The following ESCO1 variants were observed in gnomAD, a reference collection of about 807,000 sequenced individuals.
ESCO1 encodes establishment of sister chromatid cohesion N-acetyltransferase 1, also known as N-acetyltransferase ESCO1.
A neutral mutation model predicts 83.5 loss-of-function variants in ESCO1; 33 were observed. The observed-to-expected ratio is 0.40, with a 90% confidence interval of 0.30 to 0.53. The LOEUF is 0.53. Ranked by LOEUF, ESCO1 falls within the 20% of genes least tolerant of loss-of-function variation. The probability of loss-of-function intolerance (pLI) is 0.63; values close to 1 mark genes in which losing one functional copy is unlikely to be tolerated. For missense variants in ESCO1, 855 were observed against 968.0 expected (o/e 0.88, Z 1.55); for synonymous variants, 332 against 324.3 (o/e 1.02, Z -0.25).
At chr18:21,559,971 A>G (rs2038161905) in intron 8 of ESCO1, among the ~76,000 whole-genome samples, 1 of 152,164 alleles carries the variant, frequency 6.6e-6, no homozygotes, top group Non-Finnish European at 1.5e-5. Flanking sequence ...GTATTAATAC[A>G]AGCATATGAA....
At chr18:21,556,477 C>T (rs1273083794) in intron 8 of ESCO1, among the ~76,000 whole-genome samples, 1 of 152,142 alleles carries the variant, frequency 6.6e-6, no homozygotes, top group Non-Finnish European at 1.5e-5. Flanking sequence ...AATTTAATCA[C>T]ATGTAACTTC....
chr18:21,570,248 T>G (rs894294433), intron 4 of ESCO1, among the ~76,000 whole-genome samples: 10 of 151,842 alleles, frequency 6.6e-5, no homozygotes, highest in Non-Finnish European at 1.0e-4. Context: ...CAGGCACACA[T>G]TACCACTCCT....
intron 1 of ESCO1, among the ~76,000 whole-genome samples, chr18:21,590,852 G>A (rs548463305): frequency 6.6e-5 from 10 of 151,906 alleles, no homozygotes; most frequent in African/African-American, 2.2e-4. Flanking sequence ...GGAGGCTGAG[G>A]CAGAACTGCT....
intron 8 of ESCO1, among the ~76,000 whole-genome samples, chr18:21,548,566 G>A (rs373009483): frequency 3.3e-5 from 5 of 151,694 alleles, no homozygotes; most frequent in South Asian, 4.2e-4. Flanking sequence ...TTGGGAGGCC[G>A]AGGTGAGAGG....
intron 11 of ESCO1, 77 bp downstream of exon 11, chr18:21,532,396 A>T (rs1314747111): frequency 4.8e-6 from 7 of 1,445,752 alleles, no homozygotes; most frequent in Non-Finnish European, 6.5e-6. Flanking sequence ...ATGTTAATTA[A>T]ATGCCAATCT....
intron 10 of ESCO1, among the ~76,000 whole-genome samples, chr18:21,534,416 A>C (rs1372084007): frequency 6.6e-6 from 1 of 152,212 alleles, no homozygotes; most frequent in African/African-American, 2.4e-5. Context: ...CTTAGCTGGA[A>C]AAAGATAGAA....
At chr18:21,545,501 A>G (rs2037961940) in intron 8 of ESCO1, among the ~76,000 whole-genome samples, 2 of 148,936 alleles carry the variant, frequency 1.3e-5, no homozygotes, top group South Asian at 4.3e-4. Context: ...TGAACCTGGG[A>G]GGCAGAGGCT....
At chr18:21,598,089 G>A (rs1050230960) in intron 1 of ESCO1, among the ~76,000 whole-genome samples, 1 of 152,128 alleles carries the variant, frequency 6.6e-6, no homozygotes, top group Admixed American at 6.6e-5. Context: ...TACTGGAGTT[G>A]GTTTCTAGTA....
intron 1 of ESCO1, among the ~76,000 whole-genome samples, chr18:21,599,952 T>A (rs930222852): frequency 6.6e-6 from 1 of 152,232 alleles, no homozygotes; most frequent in Non-Finnish European, 1.5e-5. Flanking sequence ...TAAACTTCAC[T>A]GCGGCCCTCA....
In ESCO1 at chr18:21,566,200, G is replaced by A; in HGVS notation, c.1652C>T (p.Ala551Val). The A allele has an allele frequency of 1.7e-5, 28 of 1,612,138 alleles. No individual in the cohort carries two copies. Among genetic ancestry groups the A allele is most frequent in the Non-Finnish European group, 2.4e-5 (28 of 1,179,014 alleles). ...DTGENKFPGS[A>V]PQQHSILSNQ... Reference sequence around the variant, plus strand: ...ACTGAGAATACTATGCTGTTGGGGAGCTGAACCTGTAATTTAATCAAGAAG... The same window carrying A: ...ACTGAGAATACTATGCTGTTGGGGAACTGAACCTGTAATTTAATCAAGAAG... The change falls in exon 6 of 12, where the codon GCT becomes GTT. Residue 551 changes from alanine (A) to valine (V), a missense_variant. Ala to Val is a moderately conservative substitution (Grantham distance 64, BLOSUM62 0). This residue lies in a region of ESCO1 where 726 missense variants were observed against 699.5 expected (regional missense o/e 1.04). Coordinates refer to ENST00000269214, the MANE Select transcript of ESCO1 (RefSeq NM_052911.3).
chr18:21,551,253 G>A (rs1307555164), intron 8 of ESCO1, among the ~76,000 whole-genome samples: 2 of 152,018 alleles, frequency 1.3e-5, no homozygotes, highest in African/African-American at 2.4e-5. Context: ...GACAGATCAC[G>A]AGGTCAGGAG....
At chr18:21,551,049 T>C (rs549607797) in intron 8 of ESCO1, among the ~76,000 whole-genome samples, 3 of 150,990 alleles carry the variant, frequency 2.0e-5, no homozygotes, top group Admixed American at 2.0e-4. Context: ...GAGGTAGAGC[T>C]TGCAGTGAGC....
chr18:21,563,868 G>C (rs1175282489), intron 7 of ESCO1, among the ~76,000 whole-genome samples: 1 of 151,006 alleles, frequency 6.6e-6, no homozygotes, highest in Non-Finnish European at 1.5e-5. Context: ...GGTGAATCCC[G>C]CACAAATAGG....
chr18:21,584,884 G>A (rs2038552029), intron 1 of ESCO1, among the ~76,000 whole-genome samples: 1 of 151,910 alleles, frequency 6.6e-6, no homozygotes, highest in South Asian at 2.1e-4. Context: ...TTACACAACT[G>A]CTGTAATCCC....
intron 8 of ESCO1, among the ~76,000 whole-genome samples, chr18:21,554,773 G>T (rs567800809): frequency 9.2e-5 from 14 of 152,210 alleles, no homozygotes; most frequent in African/African-American, 3.4e-4. Context: ...GCCAGGAGTG[G>T]TGGTGCACAA....
At chr18:21,548,918 A>G (rs1321907825) in intron 8 of ESCO1, among the ~76,000 whole-genome samples, 2 of 151,928 alleles carry the variant, frequency 1.3e-5, no homozygotes, top group Non-Finnish European at 2.9e-5. Context: ...AGCCTGGCCA[A>G]TAGAGCAAGA....
chr18:21,576,015 T>G (rs2038414708), intron 2 of ESCO1, among the ~76,000 whole-genome samples: 1 of 151,998 alleles, frequency 6.6e-6, no homozygotes, highest in Admixed American at 6.6e-5. Context: ...TTTTAAAATA[T>G]GAAAAACAAT....
chr18:21,574,845 C>A lies in ESCO1; in HGVS notation c.-2G>T. 1 of 1,571,322 alleles carries A rather than the reference C, an allele frequency of 6.4e-7. No individual in the cohort carries two copies. The highest frequency in any genetic ancestry group is 1.2e-5 in the South Asian group (1 of 84,908). ...TGATTTCTCCTGAATGGACATCATT[C>A]CTGAGTAATGACTTTCTTTTCTGAG... On this transcript the variant is annotated 5_prime_UTR_variant, in exon 4 of 12. Transcript: ENST00000269214.
At chr18:21,565,684 C>T (rs2038250127) in intron 6 of ESCO1, among the ~76,000 whole-genome samples, 1 of 152,154 alleles carries the variant, frequency 6.6e-6, no homozygotes, top group Non-Finnish European at 1.5e-5. Context: ...CACCTATAAT[C>T]CCAGAGATTT....
Sources: gnomAD v4.1 joint callset for allele counts (sites outside exome capture counted in the v4.1 genomes callset) on GRCh38, gnomAD v4.1.1 for gene constraint, gnomAD v4.1.1 regional missense constraint, MANE v1.5 for transcripts, NCBI Gene and HGNC (gene_info 2026-07-23, HGNC 2026-07-21) for gene names.